The following TMEM132D variants were observed in gnomAD, a reference collection of about 807,000 sequenced individuals.
TMEM132D encodes mature OL transmembrane protein.
In TMEM132D, 21 loss-of-function variants were observed where a neutral mutation model predicts 62.3. The observed-to-expected ratio is 0.34, with a 90% CI of 0.24 to 0.49. The LOEUF is 0.49. Among genes scored for constraint, TMEM132D ranks in the 20% least tolerant of loss-of-function variants. TMEM132D has a pLI of 0.99. For missense variants in TMEM132D, 1,346 were observed against 1,402.8 expected, an observed-to-expected ratio of 0.96 and a Z score of 0.65; for synonymous variants, 621 against 575.6, an observed-to-expected ratio of 1.08 and a Z score of -1.13.
At chr12:129,220,055 T>C (rs933823537) in intron 4 of TMEM132D, among the ~76,000 whole-genome samples, 4 of 152,226 alleles carry the variant, frequency 2.6e-5, no homozygotes, top group African/African-American at 7.2e-5. Flanking sequence ...TTGCAAATAA[T>C]ATTCAGTTTT....
At chr12:129,633,022 G>C (rs374293785) in intron 2 of TMEM132D, among the ~76,000 whole-genome samples, 1 of 152,168 alleles carries the variant, frequency 6.6e-6, no homozygotes, top group Non-Finnish European at 1.5e-5. Flanking sequence ...GGGTAAGTAG[G>C]ATGCTTGGCT....
At chr12:129,075,539 C>T (rs562036794) in intron 8 of TMEM132D, among the ~76,000 whole-genome samples, 3 of 152,278 alleles carry the variant, frequency 2.0e-5, no homozygotes, top group Non-Finnish European at 4.4e-5. Flanking sequence ...AGATAAAAGC[C>T]TCTGATCTAG....
chr12:129,249,325 T>A (rs1880205280), intron 4 of TMEM132D, among the ~76,000 whole-genome samples: 1 of 152,228 alleles, frequency 6.6e-6, no homozygotes, highest in Non-Finnish European at 1.5e-5. Context: ...CCATCCTCCT[T>A]CATATCTAGG....
chr12:129,580,745 A>ATAAAT (rs1282647156), intron 2 of TMEM132D, among the ~76,000 whole-genome samples: 1 of 151,762 alleles, frequency 6.6e-6, no homozygotes, highest in East Asian at 1.9e-4. Flanking sequence ...AAATAAATAA[A>ATAAAT]TAAATAAATA....
chr12:129,715,174 C>A (rs1444284712), intron 1 of TMEM132D, among the ~76,000 whole-genome samples: 1 of 152,096 alleles, frequency 6.6e-6, no homozygotes, highest in East Asian at 1.9e-4. Context: ...TTGAGGGATG[C>A]AATCAATATG....
At chr12:129,310,906 A>G (rs1881956844) in intron 4 of TMEM132D, among the ~76,000 whole-genome samples, 1 of 152,172 alleles carries the variant, frequency 6.6e-6, no homozygotes, top group African/African-American at 2.4e-5. Flanking sequence ...ACATGCGAGG[A>G]ACTGGAGGGA....
intron 3 of TMEM132D, among the ~76,000 whole-genome samples, chr12:129,394,136 T>C (rs1370479165): frequency 6.6e-6 from 1 of 152,222 alleles, no homozygotes; most frequent in Non-Finnish European, 1.5e-5. Flanking sequence ...AGGCGGAGGA[T>C]GCTGTGCCAT....
At chr12:129,521,790 G>A (rs1875855180) in intron 3 of TMEM132D, 1 of 152,148 alleles carries the variant, frequency 6.6e-6, no homozygotes, top group East Asian at 1.9e-4. Context: ...CTCACCAGCT[G>A]GCAGACATTT....
At chr12:129,209,730 C>T (rs767916429) in intron 4 of TMEM132D, 67 bp from the exon 5 acceptor site, 42 of 1,587,072 alleles carry the variant, frequency 2.6e-5, no homozygotes, top group African/African-American at 2.0e-4. Context: ...GGGAGTATGC[C>T]GCCTGCCTTT....
chr12:129,214,649 A>G (rs749528737), intron 4 of TMEM132D, among the ~76,000 whole-genome samples: 3 of 152,220 alleles, frequency 2.0e-5, no homozygotes, highest in Non-Finnish European at 4.4e-5. Flanking sequence ...AAATTTTGTG[A>G]AAAAACAAAC....
intron 4 of TMEM132D, among the ~76,000 whole-genome samples, chr12:129,329,511 A>T (rs926565001): frequency 2.0e-5 from 3 of 152,164 alleles, no homozygotes; most frequent in African/African-American, 7.2e-5. Context: ...AATTCAACAA[A>T]AATATTATTC....
intron 2 of TMEM132D, among the ~76,000 whole-genome samples, chr12:129,567,667 TG>T (rs1024895686): frequency 4.6e-5 from 7 of 152,120 alleles, no homozygotes; most frequent in South Asian, 4.1e-4. Flanking sequence ...GATTTTCTTT[TG>T]GGGGGGATAT....
At chr12:129,261,057 G>T (rs1275321358) in intron 4 of TMEM132D, among the ~76,000 whole-genome samples, 1 of 152,126 alleles carries the variant, frequency 6.6e-6, no homozygotes, top group East Asian at 1.9e-4. Context: ...CAAATGGTAG[G>T]TCTACTTTTA....
chr12:129,785,371 G>A (rs1289373199), intron 1 of TMEM132D, among the ~76,000 whole-genome samples: 1 of 152,126 alleles, frequency 6.6e-6, no homozygotes, highest in African/African-American at 2.4e-5. Flanking sequence ...TATAGCTTTA[G>A]GACTTGAGCT....
chr12:129,491,450 T>A (rs1046551219), intron 3 of TMEM132D, among the ~76,000 whole-genome samples: 1 of 152,204 alleles, frequency 6.6e-6, no homozygotes, highest in Non-Finnish European at 1.5e-5. Flanking sequence ...GACTTGCGGA[T>A]GGAGGATGGG....
At position 129,156,663 on chromosome 12, in the gene TMEM132D, C is replaced by T. The variant is rs533344439; in HGVS notation, c.1443+52857G>A. On this transcript the variant is annotated intron_variant, in intron 5 of 8. Coordinates refer to ENST00000422113, the MANE Select transcript of TMEM132D (RefSeq NM_133448.3). ...AATAACTAACTCACTCCTGTGATACCGAATCCACTCACGAGATAAATAACA... is the reference window on the plus strand; with the variant it reads ...AATAACTAACTCACTCCTGTGATACTGAATCCACTCACGAGATAAATAACA... 8.5e-5 allele frequency among the ~76,000 whole-genome samples: 13 copies of T among 152,190 alleles called. No individual in the cohort carries two copies. In the East Asian group the frequency reaches 1.4e-3, roughly 16 times the overall value.
At chr12:129,289,095 T>C (rs1191771212) in intron 4 of TMEM132D, among the ~76,000 whole-genome samples, 1 of 151,550 alleles carries the variant, frequency 6.6e-6, no homozygotes, top group Non-Finnish European at 1.5e-5. Context: ...GTGCCAGGGA[T>C]GGGGGTATCG....
At chr12:129,877,600 A>AAC (rs1174131502) in intron 1 of TMEM132D, among the ~76,000 whole-genome samples, 3 of 144,656 alleles carry the variant, frequency 2.1e-5, no homozygotes, top group South Asian at 2.3e-4. Flanking sequence ...CTATTAACCA[A>AAC]ACGCGCGCGC....
intron 5 of TMEM132D, among the ~76,000 whole-genome samples, chr12:129,172,612 C>T (rs940918375): frequency 6.6e-6 from 1 of 152,148 alleles, no homozygotes; most frequent in African/African-American, 2.4e-5. Flanking sequence ...GAGTTTCACT[C>T]TTGTTGCCCA....
Sources: gnomAD v4.1 joint callset for allele counts (sites outside exome capture counted in the v4.1 genomes callset) on GRCh38, gnomAD v4.1.1 for gene constraint, MANE v1.5 for transcripts, NCBI Gene and HGNC (gene_info 2026-07-23, HGNC 2026-07-21) for gene names.